Variants in AMMECR1L observed in about 807,000 individuals in gnomAD.
The protein encoded by AMMECR1L is AMMECR1 like.
A neutral mutation model predicts 36.8 loss-of-function variants in AMMECR1L; 4 were observed. That is an observed-to-expected ratio of 0.11 (90% CI 0.05 to 0.25). The LOEUF (loss-of-function observed/expected upper bound fraction) is 0.25, where lower values mean the gene tolerates loss of function less well. Among genes scored for constraint, AMMECR1L ranks in the 10% least tolerant of loss-of-function variants. The probability of loss-of-function intolerance (pLI) is 1.00; values close to 1 mark genes in which losing one functional copy is unlikely to be tolerated. For synonymous variants in AMMECR1L, 147 were observed against 148.0 expected (o/e 0.99, Z 0.05); for missense variants, 232 against 392.1 (o/e 0.59, Z 3.45).
chr2:127,870,925 T>G lies in AMMECR1L; in HGVS notation c.522A>C (p.Ala174=). The G allele has an allele frequency of 6.2e-7, 1 of 1,611,488 alleles. No homozygotes were observed. The highest frequency in any genetic ancestry group is 8.5e-7 in the Non-Finnish European group (1 of 1,178,738). The change falls in exon 5 of 8, where the codon GCA becomes GCC. Residue 174 remains alanine, a synonymous_variant. Transcript: ENST00000272647. ...GGGGGGGAAATCGGCTGTCCTTAAG[T>G]GCACTGGAGGGGGACAGAAAACATA... ...SGLREYTLTS[A]LKDSRFPPLT...
At position 127,871,143 on chromosome 2, in the gene AMMECR1L, C is replaced by T. The variant is rs889080173; in HGVS notation, c.518+106G>A. ...TTAAGCCCCTTACATTTCCTGATTA[C>T]CAAAAAGAGAAAGCTCAACGTACAT... is the stretch of plus-strand genomic sequence containing the variant. On this transcript the variant is annotated intron_variant, in intron 4 of 7. Coordinates refer to ENST00000272647, the MANE Select transcript of AMMECR1L (RefSeq NM_001199140.2). The surrounding 1 kb of genome is among the most constrained non-coding windows in gnomAD (Gnocchi z 4.3). The T allele has an allele frequency of 7.8e-7, 1 of 1,276,616 alleles. No homozygotes were observed. Among genetic ancestry groups the T allele is most frequent in the Non-Finnish European group, 1.1e-6 (1 of 912,714 alleles). 79.1% of individuals were successfully genotyped at this position (1,276,616 alleles called of 1,614,324 possible).
At chr2:127,868,510 A>AT (rs1690807211) in intron 6 of AMMECR1L, among the ~76,000 whole-genome samples, 1 of 152,144 alleles carries the variant, frequency 6.6e-6, no homozygotes, top group South Asian at 2.1e-4. Flanking sequence ...TTCACCGGGT[A>AT]TTTTTTCTCT....
In AMMECR1L at chr2:127,868,729, GT is replaced by G. The variant is rs776262220; in HGVS notation, c.724+724del. 6.8e-3 allele frequency among the ~76,000 whole-genome samples: 983 copies of G among 144,684 alleles called. 33 individuals are homozygous for G. In the East Asian group the frequency reaches 0.071, roughly 10 times the overall value. 94.9% of individuals were successfully genotyped at this position (144,684 alleles called of 152,430 possible). On this transcript the variant is annotated intron_variant, in intron 6 of 7. Coordinates refer to ENST00000272647, the MANE Select transcript of AMMECR1L (RefSeq NM_001199140.2). ...ATCAGAAGAACTTATAGGCTACTGA[GT>G]TTTTTTTTTTTTGGAGATGGAGGCT...
At chr2:127,885,222 A>G (rs1691705551) in intron 1 of AMMECR1L, 2 of 985,258 alleles carry the variant, frequency 2.0e-6, no homozygotes, top group Non-Finnish European at 2.4e-6. Context: ...TGCGCGTGTG[A>G]AGAGTGTTAA....
chr2:127,864,949 G>A lies in AMMECR1L; in HGVS notation c.*145C>T, dbSNP rs1280720091. 3.6e-5 allele frequency: 22 copies of A among 613,222 alleles called. No individual in the cohort carries two copies. The highest frequency in any genetic ancestry group is 2.3e-4 in the South Asian group (11 of 47,492). 38.0% of individuals were successfully genotyped at this position (613,222 alleles called of 1,614,324 possible). A position where few individuals can be genotyped will look rare whatever the true frequency, so the allele number is the denominator to read the frequency against. On this transcript the variant is annotated 3_prime_UTR_variant, in exon 8 of 8. Coordinates refer to ENST00000272647, the MANE Select transcript of AMMECR1L (RefSeq NM_001199140.2). ...GTAACCCTACCCTCCCTCAGTCAGCGGGAGGCAGACTTGGCAACGGAAGCT... is the reference window on the plus strand; with the variant it reads ...GTAACCCTACCCTCCCTCAGTCAGCAGGAGGCAGACTTGGCAACGGAAGCT...
rs1478434421 is a variant in AMMECR1L, at chr2:127,869,840, T to C, written c.634-296A>G. 3.9e-5 allele frequency among the ~76,000 whole-genome samples: 6 copies of C among 152,250 alleles called. No individual in the cohort carries two copies. The highest frequency in any genetic ancestry group is 8.8e-5 in the Non-Finnish European group (6 of 68,048). ...GAATATGTTCCTTGACCCTATTCCATTAAATAAACATGCCACAAGGTTTTT... is the reference window on the plus strand; with the variant it reads ...GAATATGTTCCTTGACCCTATTCCACTAAATAAACATGCCACAAGGTTTTT... On this transcript the variant is annotated intron_variant, in intron 5 of 7. Coordinates refer to ENST00000272647, the MANE Select transcript of AMMECR1L (RefSeq NM_001199140.2). This position sits in a 1 kb window ranked among gnomAD's most constrained non-coding sequence, Gnocchi z 4.7.
chr2:127,871,231 A>T lies in AMMECR1L; in HGVS notation c.518+18T>A, dbSNP rs368633479. 1 of 1,610,814 alleles carries T rather than the reference A, an allele frequency of 6.2e-7. No individual in the cohort carries two copies. Among genetic ancestry groups the T allele is most frequent in the Non-Finnish European group, 8.5e-7 (1 of 1,177,182 alleles). On this transcript the variant is annotated intron_variant, in intron 4 of 7. Coordinates refer to ENST00000272647, the MANE Select transcript of AMMECR1L (RefSeq NM_001199140.2). This position sits in a 1 kb window ranked among gnomAD's most constrained non-coding sequence, Gnocchi z 4.3. Reference sequence around the variant, plus strand: ...TCTAGCCAATTTATCTACAGTTCTTAATGTCTGGTGTCATTACCTGGTTAA... The same window carrying T: ...TCTAGCCAATTTATCTACAGTTCTTTATGTCTGGTGTCATTACCTGGTTAA...
At chr2:127,872,133 G>A (rs1456348617) in intron 3 of AMMECR1L, among the ~76,000 whole-genome samples, 8 of 148,990 alleles carry the variant, frequency 5.4e-5, no homozygotes, top group African/African-American at 2.0e-4. Context: ...AGGTTGCAGT[G>A]AACCGAGATT....
At position 127,869,592 on chromosome 2, in the gene AMMECR1L, G is replaced by C. The variant is rs1231405734; in HGVS notation, c.634-48C>G. 2 of 1,437,464 alleles carry C rather than the reference G, an allele frequency of 1.4e-6. No homozygotes were observed. Among genetic ancestry groups the C allele is most frequent in the African/African-American group, 2.8e-5 (2 of 71,152 alleles). 89.0% of individuals were successfully genotyped at this position (1,437,464 alleles called of 1,614,324 possible). On this transcript the variant is annotated intron_variant, in intron 5 of 7. Coordinates refer to ENST00000272647, the MANE Select transcript of AMMECR1L (RefSeq NM_001199140.2). The surrounding 1 kb of genome is among the most constrained non-coding windows in gnomAD (Gnocchi z 4.7). Reference sequence around the variant, plus strand: ...GTAAATGGCATTTACTTACTCTAATGGAACTTCAGTCCCCACATATAAATC... The same window carrying C: ...GTAAATGGCATTTACTTACTCTAATCGAACTTCAGTCCCCACATATAAATC...
At position 127,862,865 on chromosome 2, in the gene AMMECR1L, GATAAA is replaced by G. The variant is rs139313532; in HGVS notation, c.*2224_*2228del. 13,196 of 149,654 alleles carry G rather than the reference GATAAA, an allele frequency of 0.088. 1,539 individuals are homozygous for G. Among genetic ancestry groups the G allele is most frequent in the African/African-American group, 0.26 (10,515 of 40,410 alleles). The allele number at this position is 149,654 out of a possible 1,614,324, so 9.3% of individuals were successfully genotyped here. A position where few individuals can be genotyped will look rare whatever the true frequency, so the allele number is the denominator to read the frequency against. On this transcript the variant is annotated 3_prime_UTR_variant, in exon 8 of 8. Transcript: ENST00000272647. ...AATGGCAGGTATCGTACCCCCCCTC[GATAAA>G]ATAAAATAAAATAAAATAAAATAAT...
rs769812179 is a variant in AMMECR1L at position 127,870,779 on chromosome 2, G to A, written c.633+35C>T. 5.9e-6 allele frequency: 9 copies of A among 1,535,222 alleles called. No individual in the cohort carries two copies. The East Asian group carries it at 1.6e-4, about 27-fold the overall frequency. ...GTACTAACCCGAACCCAAATGCAAC[G>A]AGAGATGCAGAGTTCCAAATGCGGC... On this transcript the variant is annotated intron_variant, in intron 5 of 7. Transcript: ENST00000272647.
At chr2:127,866,339 A>C (rs1690682482) in intron 7 of AMMECR1L, among the ~76,000 whole-genome samples, 1 of 152,216 alleles carries the variant, frequency 6.6e-6, no homozygotes, top group South Asian at 2.1e-4. Context: ...TCTTACAGAC[A>C]GGGAACAGGC....
rs1195989790 is a variant in AMMECR1L at position 127,871,124 on chromosome 2, C to T, written c.518+125G>A. On this transcript the variant is annotated intron_variant, in intron 4 of 7. Transcript: ENST00000272647. The surrounding 1 kb of genome is among the most constrained non-coding windows in gnomAD (Gnocchi z 4.3). Reference sequence around the variant, plus strand: ...TGATAACTGACTCACCAGATTAAGCCCCTTACATTTCCTGATTACCAAAAA... The same window carrying T: ...TGATAACTGACTCACCAGATTAAGCTCCTTACATTTCCTGATTACCAAAAA... The T allele has an allele frequency of 3.7e-6, 4 of 1,092,910 alleles. No individual in the cohort carries two copies. Among genetic ancestry groups the T allele is most frequent in the Non-Finnish European group, 5.3e-6 (4 of 757,022 alleles). 67.7% of individuals were successfully genotyped at this position (1,092,910 alleles called of 1,614,324 possible).
rs1690876024 is a variant in AMMECR1L, at chr2:127,869,803, T to C, written c.634-259A>G. 6.6e-6 allele frequency among the ~76,000 whole-genome samples: 1 copy of C among 152,216 alleles called. No individual in the cohort carries two copies. On this transcript the variant is annotated intron_variant, in intron 5 of 7. Transcript: ENST00000272647. The surrounding 1 kb of genome is among the most constrained non-coding windows in gnomAD (Gnocchi z 4.7). ...AGAAATGCATTCTTTAAGTAATTCA[T>C]CCAGGAATTGTGAATATGTTCCTTG...
rs779074249 is a variant in AMMECR1L at position 127,871,072 on chromosome 2, G to A, written c.519-144C>T. ...AACACTAACATGTTAAAAACAACTC[G>A]ATGCTATTAACTGTCTGTACTTGAA... On this transcript the variant is annotated intron_variant, in intron 4 of 7. Coordinates refer to ENST00000272647, the MANE Select transcript of AMMECR1L (RefSeq NM_001199140.2). The surrounding 1 kb of genome is among the most constrained non-coding windows in gnomAD (Gnocchi z 4.3). 1.7e-5 allele frequency: 15 copies of A among 900,056 alleles called. No individual in the cohort carries two copies. Among genetic ancestry groups the A allele is most frequent in the African/African-American group, 8.4e-5 (5 of 59,330 alleles). 55.8% of individuals were successfully genotyped at this position (900,056 alleles called of 1,614,324 possible).
intron 7 of AMMECR1L, 116 bp downstream of exon 7, chr2:127,866,784 C>T (rs372680077): frequency 3.0e-6 from 3 of 1,009,104 alleles, no homozygotes; most frequent in African/African-American, 3.2e-5. Flanking sequence ...ACTTCACCCA[C>T]ACTTCTTTGA....
intron 1 of AMMECR1L, chr2:127,884,986 A>G: frequency 4.0e-6 from 1 of 249,196 alleles, no homozygotes; most frequent in Non-Finnish European, 6.4e-6. Flanking sequence ...AAAGAGGATA[A>G]GGCCCAGAGG....
At chr2:127,866,813 G>A in intron 7 of AMMECR1L, 87 bp downstream of exon 7, 2 of 1,276,838 alleles carry the variant, frequency 1.6e-6, no homozygotes, top group Non-Finnish European at 2.2e-6. Flanking sequence ...CATTCACAGA[G>A]AACACTTCTT....
At chr2:127,879,253 G>A (rs930885937) in intron 2 of AMMECR1L, among the ~76,000 whole-genome samples, 2 of 152,240 alleles carry the variant, frequency 1.3e-5, no homozygotes, top group Non-Finnish European at 2.9e-5. Context: ...GATCACGGGG[G>A]TGGATTTCTC....
Sources: allele counts gnomAD v4.1 joint callset (sites outside exome capture counted in the v4.1 genomes callset), GRCh38; gene constraint gnomAD v4.1.1; non-coding constraint Gnocchi (gnomAD v3.1); transcripts MANE v1.5; gene names NCBI Gene and HGNC (gene_info 2026-07-23, HGNC 2026-07-21).